The following CPA6 variants were observed in gnomAD, a reference collection of about 807,000 sequenced individuals.
CPA6 encodes the protein carboxypeptidase A6, also known as carboxypeptidase B.
A neutral mutation model predicts 63.3 loss-of-function variants in CPA6; 58 were observed. The ratio of observed to expected loss-of-function variants is 0.92; its 90% CI spans 0.74 to 1.14. The LOEUF (loss-of-function observed/expected upper bound fraction) is 1.14, where lower values mean the gene tolerates loss of function less well. CPA6 is among the 50% of genes most tolerant of loss of function. CPA6 has a pLI of 0.00. For synonymous variants in CPA6, 185 were observed against 179.0 expected (o/e 1.03, Z -0.27); for missense variants, 565 against 526.6 (o/e 1.07, Z -0.71).
chr8:67,678,225 T>TCACACACA (rs200034998), intron 1 of CPA6, among the ~76,000 whole-genome samples: 9,672 of 142,524 alleles, frequency 0.068, 322 homozygotes, highest in South Asian at 0.083. Flanking sequence ...TAAAACTCTG[T>TCACACACA]CTCACACACA....
intron 8 of CPA6, among the ~76,000 whole-genome samples, chr8:67,455,608 G>A (rs1186566942): frequency 7.4e-6 from 1 of 134,642 alleles, no homozygotes; most frequent in Non-Finnish European, 1.5e-5. Context: ...TGCTAAGGAG[G>A]CCAGGAGTTT....
intron 1 of CPA6, among the ~76,000 whole-genome samples, chr8:67,665,123 A>T (rs1045208771): frequency 1.3e-5 from 2 of 152,216 alleles, no homozygotes; most frequent in Admixed American, 6.5e-5. Flanking sequence ...TAGACTATCA[A>T]TGCCTGTTTT....
At chr8:67,575,513 A>G (rs905992270) in intron 2 of CPA6, among the ~76,000 whole-genome samples, 4 of 152,248 alleles carry the variant, frequency 2.6e-5, no homozygotes, top group African/African-American at 9.6e-5. Context: ...ATGTATAAAG[A>G]AAATGTATAT....
rs541480416 is a variant in CPA6 at position 67,736,357 on chromosome 8, A to C, written c.116+9657T>G. Among the ~76,000 whole-genome samples the C allele has an allele frequency of 3.3e-5, 5 of 152,182 alleles. No individual in the cohort carries two copies. The East Asian group carries it at 9.7e-4, about 29-fold the overall frequency. ...CTTCTTGAAATTATGGTTTCCTTTC[A>C]CTGCTAATTTTCTGACATCCCAATT... On this transcript the variant is annotated intron_variant, in intron 1 of 10. Coordinates refer to ENST00000297770, the MANE Select transcript of CPA6 (RefSeq NM_020361.5).
intron 2 of CPA6, among the ~76,000 whole-genome samples, chr8:67,610,064 A>C (rs1159792499): frequency 7.2e-6 from 1 of 139,468 alleles, no homozygotes; most frequent in Non-Finnish European, 1.6e-5. Flanking sequence ...CAAAACAAAA[A>C]CCCCCCAAAA....
At chr8:67,674,808 T>C (rs1425256189) in intron 1 of CPA6, among the ~76,000 whole-genome samples, 2 of 152,134 alleles carry the variant, frequency 1.3e-5, no homozygotes, top group Non-Finnish European at 2.9e-5. Flanking sequence ...AAAGAAAATG[T>C]GGTACATATA....
chr8:67,575,370 C>G (rs1813595513), intron 2 of CPA6, among the ~76,000 whole-genome samples: 1 of 152,180 alleles, frequency 6.6e-6, no homozygotes, highest in African/African-American at 2.4e-5. Flanking sequence ...TATGATCCAG[C>G]AATGCCACAA....
At chr8:67,699,106 C>T (rs1816967466) in intron 1 of CPA6, among the ~76,000 whole-genome samples, 1 of 152,038 alleles carries the variant, frequency 6.6e-6, no homozygotes, top group African/African-American at 2.4e-5. Flanking sequence ...GCACTTGGAG[C>T]CAAACAAATA....
At chr8:67,648,037 C>T (rs1422951587) in intron 1 of CPA6, among the ~76,000 whole-genome samples, 2 of 152,094 alleles carry the variant, frequency 1.3e-5, no homozygotes, top group African/African-American at 4.8e-5. Context: ...ATTAATCTGC[C>T]TTTGTCAGTT....
intron 2 of CPA6, among the ~76,000 whole-genome samples, chr8:67,552,053 T>C (rs1250887706): frequency 6.6e-6 from 1 of 152,216 alleles, no homozygotes; most frequent in Non-Finnish European, 1.5e-5. Context: ...TTATGCACAA[T>C]ATGTAAACAC....
chr8:67,721,925 T>C (rs1817508631), intron 1 of CPA6, among the ~76,000 whole-genome samples: 1 of 152,230 alleles, frequency 6.6e-6, no homozygotes, highest in Non-Finnish European at 1.5e-5. Context: ...AACCTACTCT[T>C]GTGCCAGTCA....
intron 2 of CPA6, among the ~76,000 whole-genome samples, chr8:67,590,222 T>G (rs951002752): frequency 6.6e-6 from 1 of 152,008 alleles, no homozygotes; most frequent in Non-Finnish European, 1.5e-5. Flanking sequence ...CATGAACTCA[T>G]CATTTTTTAT....
At chr8:67,425,619 C>A (rs914231321) in intron 10 of CPA6, among the ~76,000 whole-genome samples, 1 of 152,204 alleles carries the variant, frequency 6.6e-6, no homozygotes, top group Non-Finnish European at 1.5e-5. Flanking sequence ...GGTGATCCAC[C>A]CACCTCGGCC....
At chr8:67,505,961 C>G (rs778855359) in intron 6 of CPA6, among the ~76,000 whole-genome samples, 54 of 151,996 alleles carry the variant, frequency 3.6e-4, no homozygotes, top group Non-Finnish European at 6.9e-4. Context: ...GGCTAAGACC[C>G]TTCATATCCT....
At chr8:67,624,034 A>C in intron 2 of CPA6, 142 bp downstream of exon 2, 1 of 513,946 alleles carries the variant, frequency 1.9e-6, no homozygotes, top group Non-Finnish European at 3.4e-6. Flanking sequence ...ATAAAATAAA[A>C]TAAAATAAAA....
chr8:67,558,401 A>G (rs746387481), intron 2 of CPA6, among the ~76,000 whole-genome samples: 1 of 152,176 alleles, frequency 6.6e-6, no homozygotes, highest in Non-Finnish European at 1.5e-5. Context: ...TATAAACTCC[A>G]TGAGGGCATC....
At chr8:67,466,451 C>T (rs556490409) in intron 8 of CPA6, among the ~76,000 whole-genome samples, 1 of 152,198 alleles carries the variant, frequency 6.6e-6, no homozygotes, top group African/African-American at 2.4e-5. Context: ...TTTTGGGTCT[C>T]AATTTCATTG....
chr8:67,480,061 G>A (rs538794669), intron 8 of CPA6, among the ~76,000 whole-genome samples: 63 of 152,048 alleles, frequency 4.1e-4, no homozygotes, highest in South Asian at 8.3e-4. Flanking sequence ...TAAAAAAATC[G>A]TATAGTTTTC....
intron 1 of CPA6, among the ~76,000 whole-genome samples, chr8:67,654,099 A>G (rs980402223): frequency 1.4e-4 from 21 of 152,252 alleles, no homozygotes; most frequent in African/African-American, 5.1e-4. Context: ...AGCCCACTTG[A>G]TCATGGTGGA....
Sources: gnomAD v4.1 joint callset for allele counts (sites outside exome capture counted in the v4.1 genomes callset) on GRCh38, gnomAD v4.1.1 for gene constraint, MANE v1.5 for transcripts, NCBI Gene and HGNC (gene_info 2026-07-23, HGNC 2026-07-21) for gene names.